CSMD1: variants seen among roughly 807,000 people sequenced by gnomAD.
CSMD1 encodes CUB and sushi domain-containing protein 1.
CSMD1 carries 213 observed loss-of-function variants against 417.5 expected under a neutral mutation model. That is an observed-to-expected ratio of 0.51 (90% CI 0.46 to 0.57). The LOEUF is 0.57. CSMD1 is among the 20% of genes least tolerant of loss of function. The pLI, the probability that CSMD1 is intolerant of heterozygous loss-of-function variation, is 0.00. For synonymous variants in CSMD1, 2,862 were observed against 1,736.8 expected, an observed-to-expected ratio of 1.65 and a Z score of -16.11; for missense variants, 6,923 against 4,529.7, an observed-to-expected ratio of 1.53 and a Z score of -15.17.
intron 1 of CSMD1, among the ~76,000 whole-genome samples, chr8:4,805,121 T>A (rs1163264622): frequency 1.3e-5 from 2 of 152,148 alleles, no homozygotes; most frequent in African/African-American, 2.4e-5. Context: ...TAAAATGAGG[T>A]ATAGACCTGA....
intron 3 of CSMD1, among the ~76,000 whole-genome samples, chr8:4,208,514 T>C (rs17069462): frequency 0.14 from 21,550 of 152,196 alleles, 2,508 homozygotes; most frequent in African/African-American, 0.31. Context: ...ATCTGTGATA[T>C]ACCATAAGAA....
rs536351130 is a variant in CSMD1 at position 2,936,193 on chromosome 8, A to G, written c.*2392T>C. ...GACAGTTTGACTTTGCACACAAAGG[A>G]AAATCATATCTAATTTGATATGTGG... is the stretch of plus-strand genomic sequence containing the variant. On this transcript the variant is annotated 3_prime_UTR_variant, in exon 70 of 70. Transcript: ENST00000635120. The G allele has an allele frequency of 1.3e-5, 2 of 151,866 alleles. No homozygotes were observed. The highest frequency in any genetic ancestry group is 4.8e-5 in the African/African-American group (2 of 41,352). 9.4% of individuals were successfully genotyped at this position (151,866 alleles called of 1,614,324 possible).
intron 5 of CSMD1, among the ~76,000 whole-genome samples, chr8:3,774,601 T>C (rs1798799720): frequency 6.6e-6 from 1 of 152,160 alleles, no homozygotes; most frequent in African/African-American, 2.4e-5. Context: ...TAATCTTCAG[T>C]TGGGAACCTG....
chr8:3,291,636 G>C (rs1028688997), intron 25 of CSMD1, among the ~76,000 whole-genome samples: 1 of 152,134 alleles, frequency 6.6e-6, no homozygotes, highest in African/African-American at 2.4e-5. Flanking sequence ...AGTATTCTCT[G>C]ATGGTAGTTT....
At chr8:4,600,565 G>T (rs1007706836) in intron 2 of CSMD1, among the ~76,000 whole-genome samples, 1 of 152,130 alleles carries the variant, frequency 6.6e-6, no homozygotes, top group Non-Finnish European at 1.5e-5. Flanking sequence ...ATTTCCTGAT[G>T]TGCTCTCCAT....
rs538888755 is a variant in CSMD1, at chr8:4,787,776, T to A, written c.86-150218A>T. The A allele has an allele frequency of 3.2e-6, 5 of 1,576,300 alleles. No homozygotes were observed. The East Asian group carries it at 9.0e-5, about 28-fold the overall frequency. ...CTGCAAAATTTTGCTTCGCTGGACTTGTTACAGGCCAGACTGAATTGGATA... is the reference window on the plus strand; with the variant it reads ...CTGCAAAATTTTGCTTCGCTGGACTAGTTACAGGCCAGACTGAATTGGATA... On this transcript the variant is annotated intron_variant, in intron 1 of 69. Transcript: ENST00000635120.
At chr8:3,616,984 G>A (rs958131740) in intron 7 of CSMD1, among the ~76,000 whole-genome samples, 187 bp from the exon 8 acceptor site, 1 of 59,192 alleles carries the variant, frequency 1.7e-5, no homozygotes, top group Admixed American at 1.3e-4. Context: ...AATCAAACAT[G>A]TGTTTTCCAG....
intron 7 of CSMD1, among the ~76,000 whole-genome samples, chr8:3,660,338 G>A (rs188086005): frequency 3.9e-5 from 6 of 152,052 alleles, no homozygotes; most frequent in Non-Finnish European, 7.4e-5. Context: ...ATTATTGACA[G>A]GACTGAAAGT....
chr8:3,648,537 T>A (rs984129016), intron 7 of CSMD1, among the ~76,000 whole-genome samples: 20 of 152,182 alleles, frequency 1.3e-4, no homozygotes, highest in Non-Finnish European at 2.6e-4. Flanking sequence ...TACGATTTAC[T>A]TTTTCTTTGA....
intron 7 of CSMD1, among the ~76,000 whole-genome samples, chr8:3,699,299 C>T (rs1406699651): frequency 6.6e-6 from 1 of 152,176 alleles, no homozygotes; most frequent in African/African-American, 2.4e-5. Context: ...TTCCTGTTTC[C>T]TTCCATGCAG....
At chr8:4,685,502 G>A (rs973537645) in intron 1 of CSMD1, among the ~76,000 whole-genome samples, 2 of 152,102 alleles carry the variant, frequency 1.3e-5, no homozygotes, top group Non-Finnish European at 2.9e-5. Context: ...TTAGAACTCA[G>A]GAGGCGGAGG....
At chr8:4,726,425 ATTTGTT>A (rs1174343686) in intron 1 of CSMD1, among the ~76,000 whole-genome samples, 1 of 152,072 alleles carries the variant, frequency 6.6e-6, no homozygotes, top group Admixed American at 6.5e-5. Flanking sequence ...AGTTCACAGA[ATTTGTT>A]TTTAATACTC....
chr8:3,629,786 A>C (rs1486127997), intron 7 of CSMD1, among the ~76,000 whole-genome samples: 2 of 152,224 alleles, frequency 1.3e-5, no homozygotes, highest in East Asian at 1.9e-4. Flanking sequence ...GATTACTTGC[A>C]CAGTATAAGG....
intron 2 of CSMD1, among the ~76,000 whole-genome samples, chr8:4,626,034 T>A (rs527663915): frequency 7.9e-5 from 12 of 152,290 alleles, no homozygotes; most frequent in African/African-American, 2.6e-4. Flanking sequence ...AACCTTGATA[T>A]ATTTTTGATG....
intron 3 of CSMD1, among the ~76,000 whole-genome samples, chr8:4,203,346 C>A (rs1201178147): frequency 6.6e-6 from 1 of 152,118 alleles, no homozygotes; most frequent in African/African-American, 2.4e-5. Flanking sequence ...AGGTTAGAAG[C>A]CAACATCAGC....
At chr8:4,787,391 A>G in intron 1 of CSMD1, 4 of 735,036 alleles carry the variant, frequency 5.4e-6, no homozygotes, top group Non-Finnish European at 7.4e-6. Context: ...AAACAAAAGA[A>G]GTCTACGAAA....
chr8:4,469,992 C>T (rs996790035), intron 2 of CSMD1, among the ~76,000 whole-genome samples: 1 of 151,896 alleles, frequency 6.6e-6, no homozygotes, highest in African/African-American at 2.4e-5. Flanking sequence ...CTCAGCCTCC[C>T]GAGTAGCTGG....
intron 2 of CSMD1, among the ~76,000 whole-genome samples, chr8:4,577,691 G>T (rs1012260444): frequency 1.3e-5 from 2 of 152,162 alleles, no homozygotes; most frequent in Non-Finnish European, 2.9e-5. Flanking sequence ...AGGACAAATT[G>T]CTCCTTCAAA....
At chr8:4,391,770 C>T (rs1803864225) in intron 3 of CSMD1, among the ~76,000 whole-genome samples, 1 of 152,148 alleles carries the variant, frequency 6.6e-6, no homozygotes, top group African/African-American at 2.4e-5. Context: ...TAGGGCTTTC[C>T]CTCTCCCCTG....
Sources: gnomAD v4.1 joint callset for allele counts (sites outside exome capture counted in the v4.1 genomes callset) on GRCh38, gnomAD v4.1.1 for gene constraint, MANE v1.5 for transcripts, NCBI Gene and HGNC (gene_info 2026-07-23, HGNC 2026-07-21) for gene names.